The following FAM81A variants were observed in gnomAD, a reference collection of about 807,000 sequenced individuals.
FAM81A encodes family with sequence similarity 81 member A.
A neutral mutation model predicts 46.7 loss-of-function variants in FAM81A; 19 were observed. The observed-to-expected ratio is 0.41, with a 90% CI of 0.28 to 0.60. The LOEUF is 0.60. Among genes scored for constraint, FAM81A ranks in the 20% least tolerant of loss-of-function variants. The probability of loss-of-function intolerance (pLI) is 0.34; values close to 1 mark genes in which losing one functional copy is unlikely to be tolerated. For missense variants in FAM81A, 377 were observed against 453.5 expected (o/e 0.83, Z 1.53); for synonymous variants, 183 against 152.9 (o/e 1.20, Z -1.45).
chr15:59,398,585 C>A (rs2081056634), intron 1 of FAM81A, among the ~76,000 whole-genome samples: 1 of 149,942 alleles, frequency 6.7e-6, no homozygotes. Context: ...ATGGTGAAAC[C>A]CAGTCTCTAT....
intron 4 of FAM81A, among the ~76,000 whole-genome samples, chr15:59,504,457 C>T (rs984929725): frequency 6.6e-6 from 1 of 152,148 alleles, no homozygotes; most frequent in Middle Eastern, 3.2e-3. Flanking sequence ...TCCTTGCATG[C>T]AGTTTACATT....
At position 59,511,371 on chromosome 15, in the gene FAM81A, G is replaced by T. The variant is rs549430349; in HGVS notation, c.650+2402G>T. Among the ~76,000 whole-genome samples the T allele has an allele frequency of 3.2e-4, 49 of 152,294 alleles. 1 individual carries two copies. Among genetic ancestry groups the T allele is most frequent in the Non-Finnish European group, 6.3e-4 (43 of 68,016 alleles). On this transcript the variant is annotated intron_variant, in intron 6 of 8. Coordinates refer to ENST00000288228, the MANE Select transcript of FAM81A (RefSeq NM_152450.3). ...TTAGACTTTGATAAATTAAATGTGT[G>T]TATTAAAATTTCCATTCTAAAAGAA... is the stretch of plus-strand genomic sequence containing the variant.
At chr15:59,503,009 G>T (rs1239459462) in intron 4 of FAM81A, among the ~76,000 whole-genome samples, 1 of 152,074 alleles carries the variant, frequency 6.6e-6, no homozygotes, top group African/African-American at 2.4e-5. Flanking sequence ...GGGAGGCCGA[G>T]GTGGGTGGAT....
intron 3 of FAM81A, among the ~76,000 whole-genome samples, chr15:59,463,031 T>C (rs2081571407): frequency 6.6e-6 from 1 of 152,206 alleles, no homozygotes; most frequent in African/African-American, 2.4e-5. Context: ...AAGTCTAATA[T>C]CAATTTTTTT....
chr15:59,491,961 A>T (rs1267009643), intron 3 of FAM81A, among the ~76,000 whole-genome samples: 1 of 150,214 alleles, frequency 6.7e-6, no homozygotes, highest in Non-Finnish European at 1.5e-5. Flanking sequence ...GCAAGACTCC[A>T]TCTCAAAAAA....
chr15:59,401,933 C>T (rs377702193), intron 1 of FAM81A: 3 of 744,748 alleles, frequency 4.0e-6, no homozygotes, highest in Non-Finnish European at 4.9e-6. Context: ...CTTTCTTTCT[C>T]TTTTTCTCAT....
chr15:59,411,013 G>A (rs1442643268), intron 2 of FAM81A, among the ~76,000 whole-genome samples: 1 of 152,204 alleles, frequency 6.6e-6, no homozygotes, highest in Non-Finnish European at 1.5e-5. Flanking sequence ...GCCTCCCAAA[G>A]TGCTGGGATT....
At chr15:59,475,195 A>G (rs1281152671) in intron 3 of FAM81A, among the ~76,000 whole-genome samples, 1 of 151,636 alleles carries the variant, frequency 6.6e-6, no homozygotes, top group Non-Finnish European at 1.5e-5. Context: ...CCCAGGCTGG[A>G]GTGCAGTCGT....
At position 59,459,916 on chromosome 15, in the gene FAM81A, A is replaced by G; in HGVS notation, c.21-17A>G. ...TATTTTTTCCCAATTAACAACCCTC[A>G]TGGTTCCCTTCTGCAGGCGAGTGAG... On this transcript the variant is annotated splice_polypyrimidine_tract_variant and intron_variant, in intron 2 of 8. Transcript: ENST00000288228. 1 of 1,575,704 alleles carries G rather than the reference A, an allele frequency of 6.3e-7. No individual in the cohort carries two copies. Among genetic ancestry groups the G allele is most frequent in the Non-Finnish European group, 8.6e-7 (1 of 1,159,008 alleles).
chr15:59,501,069 T>G (rs1567071980), intron 4 of FAM81A, among the ~76,000 whole-genome samples: 1 of 152,168 alleles, frequency 6.6e-6, no homozygotes, highest in Non-Finnish European at 1.5e-5. Flanking sequence ...TTCCTGGCCA[T>G]TTTAGATAAT....
rs148431514 is a variant in FAM81A at position 59,456,643 on chromosome 15, A to G, written c.-77-1907A>G. Among the ~76,000 whole-genome samples, 1,366 of 152,188 alleles carry G rather than the reference A, an allele frequency of 9.0e-3. 23 individuals are homozygous for G. The highest frequency in any genetic ancestry group is 0.031 in the African/African-American group (1,271 of 41,506). On this transcript the variant is annotated intron_variant, in intron 1 of 8. Transcript: ENST00000288228. Reference sequence around the variant, plus strand: ...CAGGCTGGAGTGCAGTGGCGCTATCATGGCTCACTGTAGCCTCAGCCTCCC... The same window carrying G: ...CAGGCTGGAGTGCAGTGGCGCTATCGTGGCTCACTGTAGCCTCAGCCTCCC...
chr15:59,514,441 A>G lies in FAM81A; in HGVS notation c.786+17A>G. On this transcript the variant is annotated intron_variant, in intron 7 of 8. Transcript: ENST00000288228. ...GAAAACAGTGTAGGTATTGATGTTT[A>G]GCAAAAATTTAGTAAAGTTATTCAG... 6.2e-7 allele frequency: 1 copy of G among 1,607,096 alleles called. No individual in the cohort carries two copies. Among genetic ancestry groups the G allele is most frequent in the African/African-American group, 1.3e-5 (1 of 74,470 alleles).
chr15:59,495,840 C>T (rs770025766), intron 4 of FAM81A, among the ~76,000 whole-genome samples: 1 of 152,138 alleles, frequency 6.6e-6, no homozygotes, highest in Admixed American at 6.6e-5. Flanking sequence ...TATTCAGATT[C>T]CTTGCCCATT....
chr15:59,489,314 T>TATACATACATAC (rs1308522125), intron 3 of FAM81A, among the ~76,000 whole-genome samples: 3 of 139,554 alleles, frequency 2.1e-5, no homozygotes, highest in African/African-American at 8.2e-5. Context: ...TACATACATA[T>TATACATACATAC]ATACATACAT....
At position 59,522,236 on chromosome 15, in the gene FAM81A, G is replaced by T. The variant is rs1275626411; in HGVS notation, c.*858G>T. 6.6e-6 allele frequency: 1 copy of T among 152,554 alleles called. No individual in the cohort carries two copies. Among genetic ancestry groups the T allele is most frequent in the Non-Finnish European group, 1.5e-5 (1 of 68,022 alleles). The allele number at this position is 152,554 out of a possible 1,614,324, so 9.5% of individuals were successfully genotyped here. A position where few individuals can be genotyped will look rare whatever the true frequency, so the allele number is the denominator to read the frequency against. On this transcript the variant is annotated 3_prime_UTR_variant, in exon 9 of 9. Coordinates refer to ENST00000288228, the MANE Select transcript of FAM81A (RefSeq NM_152450.3). ...ACTTTATGATCTGTTTCCAAAATTG[G>T]CACAAAGTGCTAGGGTTTATATACA...
At chr15:59,438,585 G>A (rs2081262313) in intron 1 of FAM81A, 1 of 152,242 alleles carries the variant, frequency 6.6e-6, no homozygotes, top group African/African-American at 2.4e-5. Context: ...ATTGCCAGGG[G>A]TAAAGGCGAG....
intron 1 of FAM81A, chr15:59,438,688 G>C (rs903144130): frequency 6.6e-6 from 1 of 152,254 alleles, no homozygotes; most frequent in Admixed American, 6.5e-5. Context: ...CAAACGAGAG[G>C]CTAGGGGGTC....
chr15:59,516,378 C>T (rs2082267228), intron 7 of FAM81A, among the ~76,000 whole-genome samples: 1 of 152,280 alleles, frequency 6.6e-6, no homozygotes, highest in South Asian at 2.1e-4. Context: ...GATCTGCCTG[C>T]CTCGGCCTCC....
intron 2 of FAM81A, among the ~76,000 whole-genome samples, chr15:59,418,203 G>A (rs577851563): frequency 2.5e-4 from 38 of 152,282 alleles, no homozygotes; most frequent in Admixed American, 2.4e-3. Context: ...TCTTCACAGT[G>A]CAAGCACATT....
Sources: allele counts gnomAD v4.1 joint callset (sites outside exome capture counted in the v4.1 genomes callset), GRCh38; gene constraint gnomAD v4.1.1; transcripts MANE v1.5; gene names NCBI Gene and HGNC (gene_info 2026-07-23, HGNC 2026-07-21).